Variants in ABCA10 observed in about 807,000 individuals in gnomAD.
The protein encoded by ABCA10 is ATP binding cassette subfamily A member 10, also known as ATP-binding cassette sub-family A member 10.
ABCA10 carries 169 observed loss-of-function variants against 187.5 expected under a neutral mutation model. The observed-to-expected ratio is 0.90, with a 90% CI of 0.80 to 1.02. The LOEUF (loss-of-function observed/expected upper bound fraction) is 1.02, where lower values mean the gene tolerates loss of function less well. Among genes scored for constraint, ABCA10 ranks in the 50% least tolerant of loss-of-function variants. The pLI is 0.00. For synonymous variants in ABCA10, 574 were observed against 601.8 expected, an observed-to-expected ratio of 0.95 and a Z score of 0.68; for missense variants, 1,727 against 1,812.4, an observed-to-expected ratio of 0.95 and a Z score of 0.86.
intron 9 of ABCA10, among the ~76,000 whole-genome samples, chr17:69,208,964 C>A (rs1254466408): frequency 6.6e-6 from 1 of 152,082 alleles, no homozygotes; most frequent in East Asian, 1.9e-4. Flanking sequence ...ATAGCTTGAA[C>A]CTAGGAGGTC....
rs201767684 is a variant in ABCA10 at position 69,182,632 on chromosome 17, CA to C, written c.2631+42del. The C allele has an allele frequency of 2.4e-3, 3,621 of 1,497,028 alleles. 5 individuals carry two copies. Among genetic ancestry groups the C allele is most frequent in the Non-Finnish European group, 3.0e-3 (3,369 of 1,124,436 alleles). 92.7% of individuals were successfully genotyped at this position (1,497,028 alleles called of 1,614,324 possible). Reference sequence around the variant, plus strand: ...AAGTATTAGGACGTGGCAAAAAAAACAAAAAAAAACCAAAAAAAAACAGTGC... The same window carrying C: ...AAGTATTAGGACGTGGCAAAAAAAACAAAAAAAACCAAAAAAAAACAGTGC... On this transcript the variant is annotated intron_variant, in intron 21 of 38. Coordinates refer to ENST00000690296, the MANE Select transcript of ABCA10 (RefSeq NM_001377321.1).
At chr17:69,175,982 A>C (rs773283539) in intron 22 of ABCA10, among the ~76,000 whole-genome samples, 1 of 152,140 alleles carries the variant, frequency 6.6e-6, no homozygotes, top group African/African-American at 2.4e-5. Context: ...AATTTAAAAC[A>C]TATGAATTAT....
At chr17:69,228,407 T>G (rs1264273659) in intron 1 of ABCA10, among the ~76,000 whole-genome samples, 174 bp downstream of exon 1, 1 of 151,180 alleles carries the variant, frequency 6.6e-6, no homozygotes, top group Non-Finnish European at 1.5e-5. Flanking sequence ...AAATGTTACA[T>G]AAGTTTTTAA....
At chr17:69,166,101 T>C (rs1422119533) in intron 25 of ABCA10, among the ~76,000 whole-genome samples, 1 of 152,198 alleles carries the variant, frequency 6.6e-6, no homozygotes, top group Non-Finnish European at 1.5e-5. Context: ...TCACCTCATG[T>C]TGCTACTGTG....
At chr17:69,243,081 T>C (rs13313572) in intron 1 of ABCA10, among the ~76,000 whole-genome samples, 24,823 of 152,196 alleles carry the variant, frequency 0.16, 2,223 homozygotes, top group African/African-American at 0.24. Context: ...CTGAGAAACC[T>C]AATTAGCATC....
At chr17:69,172,792 A>T (rs2074307445) in intron 25 of ABCA10, among the ~76,000 whole-genome samples, 1 of 68,934 alleles carries the variant, frequency 1.5e-5, no homozygotes, top group Non-Finnish European at 3.0e-5. Context: ...AACTCATTAA[A>T]TTAAAAGCAG....
intron 20 of ABCA10, among the ~76,000 whole-genome samples, chr17:69,183,429 C>T (rs916019182): frequency 7.9e-5 from 12 of 152,190 alleles, no homozygotes; most frequent in Middle Eastern, 3.4e-3. Context: ...CAACCACCCC[C>T]GCACCAAGGG....
chr17:69,172,463 T>G (rs75806516), intron 25 of ABCA10, among the ~76,000 whole-genome samples: 13,039 of 152,116 alleles, frequency 0.086, 720 homozygotes, highest in Admixed American at 0.16. Flanking sequence ...TGGAAGAAGA[T>G]GGCCCTCTAT....
Position 69,153,452 on chromosome 17 carries a change from C to A in ABCA10, c.4041+19G>T. On this transcript the variant is annotated intron_variant, in intron 33 of 38. Transcript: ENST00000690296. ...ACCCAGCCATGGGTGCACAGGGAAACCCCGAGCCTGGCCCATACCTTTCTC... is the reference window on the plus strand; with the variant it reads ...ACCCAGCCATGGGTGCACAGGGAAAACCCGAGCCTGGCCCATACCTTTCTC... The A allele has an allele frequency of 2.5e-6, 4 of 1,614,022 alleles. No individual in the cohort carries two copies. Among genetic ancestry groups the A allele is most frequent in the South Asian group, 1.1e-5 (1 of 91,078 alleles).
chr17:69,232,984 AG>A (rs2074841533), upstream of ABCA10: 1 of 151,972 alleles, frequency 6.6e-6, no homozygotes, highest in Non-Finnish European at 1.5e-5. Context: ...CTCTATTTTC[AG>A]GGTCCTCTAT....
At chr17:69,191,388 T>C (rs2074459115) in intron 16 of ABCA10, 73 bp from the exon 17 acceptor site, 2 of 1,373,312 alleles carry the variant, frequency 1.5e-6, no homozygotes, top group African/African-American at 1.5e-5. Context: ...GATAGTTTTC[T>C]ATTAAACAGC....
Position 69,185,504 on chromosome 17 carries a change from TAA to T in ABCA10, c.2468_2469del (p.Leu823HisfsTer7). ...GTATTATTAACGATTAACAGGCTGG[TAA>T]GAGGCGTCTTCGGGATTTGTTCCAG... is the stretch of plus-strand genomic sequence containing the variant. ...LSLEQIPKTP[L>X]TSLLIVNNTG... is the part of the protein sequence containing the mutation. On this transcript the variant is annotated frameshift_variant, in exon 20 of 39. Coordinates refer to ENST00000690296, the MANE Select transcript of ABCA10 (RefSeq NM_001377321.1). The T allele has an allele frequency of 6.2e-7, 1 of 1,613,622 alleles. No homozygotes were observed. The highest frequency in any genetic ancestry group is 8.5e-7 in the Non-Finnish European group (1 of 1,179,718).
At chr17:69,183,673 G>A (rs934481638) in intron 20 of ABCA10, among the ~76,000 whole-genome samples, 30 of 152,066 alleles carry the variant, frequency 2.0e-4, no homozygotes, top group Non-Finnish European at 3.7e-4. Flanking sequence ...GAAATATAGG[G>A]GTAGAGGAAG....
chr17:69,226,368 C>T (rs926118353), intron 2 of ABCA10, among the ~76,000 whole-genome samples: 8 of 151,824 alleles, frequency 5.3e-5, no homozygotes, highest in Non-Finnish European at 1.2e-4. Context: ...CTTCAATATA[C>T]GAAGCAAAAT....
intron 25 of ABCA10, among the ~76,000 whole-genome samples, chr17:69,172,141 T>C (rs1440340720): frequency 3.3e-5 from 5 of 152,066 alleles, no homozygotes; most frequent in Admixed American, 3.3e-4. Flanking sequence ...AAGAAATTAT[T>C]AATAATAAAA....
rs746458679 is a variant in ABCA10 at position 69,193,497 on chromosome 17, G to A, written c.1637C>T (p.Pro546Leu). 6.2e-7 allele frequency: 1 copy of A among 1,610,444 alleles called. No individual in the cohort carries two copies. The highest frequency in any genetic ancestry group is 8.5e-7 in the Non-Finnish European group (1 of 1,178,864). ...AAAATATATTTTTTCTCTCACCTGA[G>A]GATCTCCTAAGATGGCAATCCCTAG... is the stretch of plus-strand genomic sequence containing the variant. ...LTLGIAILGDPQVLLLDEPTA... is the reference protein window; with the variant it reads ...LTLGIAILGDLQVLLLDEPTA... The change falls in exon 14 of 39, where the codon CCT becomes CTT. Residue 546 changes from proline (P) to leucine (L), a missense_variant. Physicochemically the swap from Pro to Leu is moderately conservative, Grantham distance 98. Transcript: ENST00000690296.
intron 9 of ABCA10, among the ~76,000 whole-genome samples, chr17:69,205,188 G>A (rs2074582227): frequency 6.6e-6 from 1 of 152,088 alleles, no homozygotes. Context: ...AAAGGTAAGT[G>A]AAATTTAATC....
intron 26 of ABCA10, 98 bp from the exon 27 acceptor site, chr17:69,164,252 C>A: frequency 1.1e-6 from 1 of 935,226 alleles, no homozygotes; most frequent in Non-Finnish European, 1.5e-6. Context: ...TTCTATGGGA[C>A]AACAGTAAGT....
chr17:69,190,259 G>A (rs1273303583), intron 18 of ABCA10, 99 bp downstream of exon 18: 31 of 1,308,636 alleles, frequency 2.4e-5, no homozygotes, highest in Non-Finnish European at 3.1e-5. Flanking sequence ...CATATTATAG[G>A]TAGAAATCCA....
Sources: gnomAD v4.1 joint callset for allele counts (sites outside exome capture counted in the v4.1 genomes callset) on GRCh38, gnomAD v4.1.1 for gene constraint, MANE v1.5 for transcripts, NCBI Gene and HGNC (gene_info 2026-07-23, HGNC 2026-07-21) for gene names.